Variants in BICD1 observed in about 807,000 individuals in gnomAD.
BICD1 encodes the protein BICD cargo adaptor 1.
A neutral mutation model predicts 92.5 loss-of-function variants in BICD1; 35 were observed. That is an observed-to-expected ratio of 0.38 (90% CI 0.29 to 0.50). The LOEUF (loss-of-function observed/expected upper bound fraction) is 0.50, where lower values mean the gene tolerates loss of function less well. BICD1 is among the 20% of genes least tolerant of loss of function. The pLI is 0.93. For missense variants in BICD1, 950 were observed against 1,189.8 expected, an observed-to-expected ratio of 0.80 and a Z score of 2.97; for synonymous variants, 429 against 465.1, an observed-to-expected ratio of 0.92 and a Z score of 1.00.
chr12:32,347,440 C>T (rs917398840), intron 8 of BICD1, among the ~76,000 whole-genome samples: 3 of 151,184 alleles, frequency 2.0e-5, no homozygotes, highest in Non-Finnish European at 4.4e-5. Flanking sequence ...GAGATCGAGA[C>T]CATCCTGGCC....
intron 2 of BICD1, among the ~76,000 whole-genome samples, chr12:32,252,123 T>A (rs1403354769): frequency 1.5e-5 from 2 of 131,282 alleles, no homozygotes; most frequent in African/African-American, 5.8e-5. Flanking sequence ...TATTATATAT[T>A]TATAATAAAT....
intron 1 of BICD1, among the ~76,000 whole-genome samples, chr12:32,215,323 AC>A (rs1945323638): frequency 6.6e-6 from 1 of 151,878 alleles, no homozygotes; most frequent in African/African-American, 2.4e-5. Context: ...CTTCCCATCT[AC>A]CCCGTAAGTG....
intron 2 of BICD1, among the ~76,000 whole-genome samples, chr12:32,234,811 A>G (rs1030495295): frequency 2.6e-5 from 4 of 151,388 alleles, no homozygotes; most frequent in Non-Finnish European, 5.9e-5. Flanking sequence ...CAGCTTCCTG[A>G]GTAGCTGGGA....
At chr12:32,216,189 A>G in intron 1 of BICD1, 58 bp from the exon 2 acceptor site, 1 of 1,554,370 alleles carries the variant, frequency 6.4e-7, no homozygotes, top group Non-Finnish European at 8.8e-7. Flanking sequence ...CCCAAGTCTT[A>G]AAAGAGGGTT....
intron 1 of BICD1, among the ~76,000 whole-genome samples, chr12:32,209,774 A>C (rs1226018217): frequency 1.3e-5 from 2 of 152,062 alleles, no homozygotes; most frequent in Non-Finnish European, 2.9e-5. Flanking sequence ...TCTCTGCCCA[A>C]AGGTCACCTC....
chr12:32,172,382 T>C (rs1273934373), intron 1 of BICD1, among the ~76,000 whole-genome samples: 1 of 152,198 alleles, frequency 6.6e-6, no homozygotes, highest in African/African-American at 2.4e-5. Flanking sequence ...GCTGCTTTGC[T>C]CCCTTACTCT....
intron 1 of BICD1, among the ~76,000 whole-genome samples, chr12:32,176,771 A>C (rs1041998491): frequency 6.6e-6 from 1 of 151,944 alleles, no homozygotes; most frequent in African/African-American, 2.4e-5. Flanking sequence ...TGCTGAGAGC[A>C]CTCCATTGTA....
intron 2 of BICD1, among the ~76,000 whole-genome samples, chr12:32,259,004 C>G (rs1946787593): frequency 6.6e-6 from 1 of 152,122 alleles, no homozygotes; most frequent in South Asian, 2.1e-4. Context: ...GGAAGACTCC[C>G]TTTCACAGTC....
chr12:32,268,914 T>C (rs1947068176), intron 2 of BICD1, among the ~76,000 whole-genome samples: 1 of 152,226 alleles, frequency 6.6e-6, no homozygotes, highest in African/African-American at 2.4e-5. Context: ...AGCATCTGTT[T>C]TCTGGATGAG....
intron 2 of BICD1, among the ~76,000 whole-genome samples, chr12:32,226,769 A>G (rs1945708829): frequency 6.6e-6 from 1 of 152,212 alleles, no homozygotes; most frequent in South Asian, 2.1e-4. Context: ...GGGAGAGGAG[A>G]AAAGCCATAG....
chr12:32,213,328 T>G (rs528274579), intron 1 of BICD1, among the ~76,000 whole-genome samples: 1 of 152,348 alleles, frequency 6.6e-6, no homozygotes, highest in East Asian at 1.9e-4. Flanking sequence ...AAGAATTAGC[T>G]TATGCATTTT....
intron 3 of BICD1, among the ~76,000 whole-genome samples, chr12:32,298,726 C>T (rs555384465): frequency 7.3e-5 from 11 of 150,722 alleles, no homozygotes; most frequent in Non-Finnish European, 1.6e-4. Context: ...CAAAATTAGC[C>T]GGGCGTGGTG....
At chr12:32,142,275 A>G (rs928466119) in intron 1 of BICD1, among the ~76,000 whole-genome samples, 1 of 151,806 alleles carries the variant, frequency 6.6e-6, no homozygotes, top group African/African-American at 2.4e-5. Flanking sequence ...GTGTGGTGGC[A>G]GGCGCCTGTA....
At chr12:32,377,435 T>C in intron 9 of BICD1, 105 bp from the exon 10 acceptor site, 1 of 892,254 alleles carries the variant, frequency 1.1e-6, no homozygotes. Flanking sequence ...CAGATTTCTG[T>C]TCTTGTTCTC....
At chr12:32,335,097 C>T (rs1024930112) in intron 6 of BICD1, among the ~76,000 whole-genome samples, 1 of 151,706 alleles carries the variant, frequency 6.6e-6, no homozygotes, top group Non-Finnish European at 1.5e-5. Context: ...TAGTACTGTG[C>T]GAGAAGATAC....
rs1341800073 is a variant in BICD1 at position 32,379,326 on chromosome 12, C to A, written c.*1699C>A. On this transcript the variant is annotated 3_prime_UTR_variant, in exon 10 of 10. Coordinates refer to ENST00000652176, the MANE Select transcript of BICD1 (RefSeq NM_001714.4). Reference sequence around the variant, plus strand: ...AGTCATACGCCTATTAAGTAGTGGTCGCTATTACCAAAGCAACCAGGACGT... The same window carrying A: ...AGTCATACGCCTATTAAGTAGTGGTAGCTATTACCAAAGCAACCAGGACGT... The A allele has an allele frequency of 1.3e-5, 2 of 152,126 alleles. No homozygotes were observed. The highest frequency in any genetic ancestry group is 4.8e-5 in the African/African-American group (2 of 41,424). The allele number at this position is 152,126 out of a possible 1,614,324, so 9.4% of individuals were successfully genotyped here. A position where few individuals can be genotyped will look rare whatever the true frequency, so the allele number is the denominator to read the frequency against.
At chr12:32,226,321 G>T (rs1003296637) in intron 2 of BICD1, among the ~76,000 whole-genome samples, 1 of 151,966 alleles carries the variant, frequency 6.6e-6, no homozygotes, top group African/African-American at 2.4e-5. Context: ...TTTTAGTAGA[G>T]ACAGGGTTTC....
rs1280082925 is a variant in BICD1, at chr12:32,328,252, A to G, written c.1797A>G (p.Thr599=). Residue 599 remains threonine (T), a synonymous_variant, in exon 5 of 10, where the codon ACA becomes ACG. Coordinates refer to ENST00000652176, the MANE Select transcript of BICD1 (RefSeq NM_001714.4). The surrounding 1 kb of genome is among the most constrained non-coding windows in gnomAD (Gnocchi z 4.4). ...SKEPSPTKTP[T]ISPVITAPPS... The stretch of plus-strand genomic sequence containing the variant: ...AACCAAGTCCAACTAAGACCCCCAC[A>G]ATCTCTCCTGTTATTACTGCCCCAC... The G allele has an allele frequency of 1.2e-6, 2 of 1,614,108 alleles. No individual in the cohort carries two copies. Among genetic ancestry groups the G allele is most frequent in the Admixed American group, 3.3e-5 (2 of 60,008 alleles).
intron 4 of BICD1, among the ~76,000 whole-genome samples, chr12:32,306,682 C>T (rs1394874533): frequency 1.3e-5 from 2 of 151,970 alleles, no homozygotes; most frequent in African/African-American, 4.8e-5. Context: ...TTCTGAGAGC[C>T]ACAAATTGAG....
Sources: gnomAD v4.1 joint callset for allele counts (sites outside exome capture counted in the v4.1 genomes callset) on GRCh38, gnomAD v4.1.1 for gene constraint, Gnocchi (gnomAD v3.1) non-coding constraint, MANE v1.5 for transcripts, NCBI Gene and HGNC (gene_info 2026-07-23, HGNC 2026-07-21) for gene names.